RBFOX1: variants seen among roughly 807,000 people sequenced by gnomAD.
RBFOX1 encodes RNA binding fox-1 homolog 1.
In RBFOX1, 8 loss-of-function variants were observed where a neutral mutation model predicts 57.7. The ratio of observed to expected loss-of-function variants is 0.14; its 90% CI spans 0.08 to 0.25. The LOEUF (loss-of-function observed/expected upper bound fraction) is 0.25, where lower values mean the gene tolerates loss of function less well. Among genes scored for constraint, RBFOX1 ranks in the 10% least tolerant of loss-of-function variants. The pLI, the probability that RBFOX1 is intolerant of heterozygous loss-of-function variation, is 1.00. For missense variants in RBFOX1, 611 were observed against 548.5 expected (o/e 1.11, Z -1.14); for synonymous variants, 326 against 222.4 (o/e 1.47, Z -4.15).
chr16:6,989,507 A>G (rs1460277326), intron 3 of RBFOX1, among the ~76,000 whole-genome samples: 5 of 152,310 alleles, frequency 3.3e-5, no homozygotes, highest in Non-Finnish European at 7.3e-5. Flanking sequence ...ATCTTTAGAT[A>G]AACTGATTTA....
intron 4 of RBFOX1, among the ~76,000 whole-genome samples, chr16:7,241,631 TTTC>T (rs980919201): frequency 2.0e-5 from 3 of 152,104 alleles, no homozygotes; most frequent in African/African-American, 7.2e-5. Flanking sequence ...AGAAAAAACA[TTTC>T]TTCTTTATGT....
At chr16:5,669,612 G>A (rs576238531) in intron 3 of RBFOX1, among the ~76,000 whole-genome samples, 60 of 152,132 alleles carry the variant, frequency 3.9e-4, no homozygotes, top group African/African-American at 1.4e-3. Flanking sequence ...TAGAGACGGG[G>A]TTTCACCATG....
intron 1 of RBFOX1, among the ~76,000 whole-genome samples, chr16:6,100,412 G>T (rs892725910): frequency 2.6e-5 from 4 of 152,178 alleles, no homozygotes; most frequent in African/African-American, 7.2e-5. Context: ...TCCGCCCGCC[G>T]CGGCCTCCCA....
intron 1 of RBFOX1, among the ~76,000 whole-genome samples, chr16:5,315,603 G>A (rs896090323): frequency 3.9e-5 from 6 of 152,202 alleles, no homozygotes; most frequent in African/African-American, 9.6e-5. Context: ...TATGCCTGAT[G>A]TTTGTGTAGC....
At chr16:5,560,056 C>T (rs1348494606) in intron 2 of RBFOX1, among the ~76,000 whole-genome samples, 1 of 152,116 alleles carries the variant, frequency 6.6e-6, no homozygotes, top group Non-Finnish European at 1.5e-5. Flanking sequence ...TGCTATATTC[C>T]CAGAGTGTCA....
At chr16:6,556,542 C>G (rs889737317) in intron 2 of RBFOX1, among the ~76,000 whole-genome samples, 2 of 152,176 alleles carry the variant, frequency 1.3e-5, no homozygotes, top group African/African-American at 4.8e-5. Context: ...AAAGACGAAT[C>G]AGCCATTCAC....
intron 3 of RBFOX1, among the ~76,000 whole-genome samples, chr16:5,758,900 G>T (rs571431111): frequency 6.6e-6 from 1 of 152,174 alleles, no homozygotes; most frequent in Non-Finnish European, 1.5e-5. Context: ...ACATGAACTT[G>T]ACTCCACTTA....
At chr16:6,616,739 G>C (rs1227777597) in intron 2 of RBFOX1, among the ~76,000 whole-genome samples, 1 of 152,190 alleles carries the variant, frequency 6.6e-6, no homozygotes, top group African/African-American at 2.4e-5. Flanking sequence ...CCGGCAATAA[G>C]TTTTCTTAAT....
chr16:6,642,124 C>T (rs1027432297), intron 2 of RBFOX1, among the ~76,000 whole-genome samples: 2 of 152,144 alleles, frequency 1.3e-5, no homozygotes, highest in Admixed American at 6.5e-5. Context: ...TGAAAAGAGA[C>T]GCCAAGCCAG....
intron 1 of RBFOX1, among the ~76,000 whole-genome samples, chr16:6,024,772 C>T (rs966072542): frequency 6.6e-6 from 1 of 152,238 alleles, no homozygotes; most frequent in East Asian, 1.9e-4. Context: ...GCGTGAGCCA[C>T]CACGCCCAGC....
intron 4 of RBFOX1, among the ~76,000 whole-genome samples, chr16:7,392,974 A>G (rs945208211): frequency 5.9e-5 from 9 of 152,056 alleles, no homozygotes; most frequent in Non-Finnish European, 8.8e-5. Context: ...CCCAGGTTCC[A>G]GTGATTTTCC....
intron 4 of RBFOX1, among the ~76,000 whole-genome samples, chr16:7,338,717 G>A (rs1477216874): frequency 1.3e-5 from 2 of 152,126 alleles, no homozygotes; most frequent in Non-Finnish European, 2.9e-5. Flanking sequence ...GCAAATTATA[G>A]AAACATCGGC....
At chr16:7,155,568 C>T (rs1180724726) in intron 4 of RBFOX1, among the ~76,000 whole-genome samples, 1 of 148,406 alleles carries the variant, frequency 6.7e-6, no homozygotes, top group Non-Finnish European at 1.5e-5. Context: ...TGCCCTCCAG[C>T]TTGGGTAACA....
rs200326809 is a variant in RBFOX1 at position 6,607,515 on chromosome 16, TCTC to T, written c.-63-47085_-63-47083del. On this transcript the variant is annotated intron_variant, in intron 2 of 15. Transcript: ENST00000550418. ...CTTCCTCTCTCTCCCCTCTCTTCTCTCTCCTATCTATCTCCTCTCCCTCTTTCT... is the reference window on the plus strand; with the variant it reads ...CTTCCTCTCTCTCCCCTCTCTTCTCTCTATCTATCTCCTCTCCCTCTTTCT... Among the ~76,000 whole-genome samples, 241 of 149,772 alleles carry T rather than the reference TCTC, an allele frequency of 1.6e-3. 2 individuals carry two copies. In the East Asian group the frequency reaches 0.042, roughly 26 times the overall value.
intron 3 of RBFOX1, among the ~76,000 whole-genome samples, chr16:6,818,117 C>T (rs183010878): frequency 2.6e-5 from 4 of 152,106 alleles, no homozygotes; most frequent in African/African-American, 9.7e-5. Flanking sequence ...TCCACCCCTC[C>T]CTCTATGGAA....
intron 4 of RBFOX1, among the ~76,000 whole-genome samples, chr16:7,114,377 T>G (rs1453047980): frequency 2.0e-5 from 3 of 152,226 alleles, no homozygotes; most frequent in African/African-American, 7.2e-5. Context: ...AGTTCTAAAT[T>G]TATACCCCTG....
At chr16:6,277,619 T>G (rs1045053058) in intron 1 of RBFOX1, among the ~76,000 whole-genome samples, 1 of 149,594 alleles carries the variant, frequency 6.7e-6, no homozygotes, top group Admixed American at 6.7e-5. Flanking sequence ...TGAGCCGTGA[T>G]TGCACCACGG....
chr16:6,117,265 T>A (rs926701172), intron 1 of RBFOX1, among the ~76,000 whole-genome samples: 22 of 151,946 alleles, frequency 1.4e-4, no homozygotes, highest in Non-Finnish European at 4.4e-5. Context: ...TGGACATGTT[T>A]GGAAGTATGC....
chr16:5,902,468 T>G (rs1371920245), intron 4 of RBFOX1, among the ~76,000 whole-genome samples: 1 of 152,092 alleles, frequency 6.6e-6, no homozygotes, highest in Non-Finnish European at 1.5e-5. Flanking sequence ...GACTGGAGCG[T>G]AGTGATGCCA....
Sources: allele counts gnomAD v4.1 joint callset (sites outside exome capture counted in the v4.1 genomes callset), GRCh38; gene constraint gnomAD v4.1.1; transcripts MANE v1.5; gene names NCBI Gene and HGNC (gene_info 2026-07-23, HGNC 2026-07-21).